Variants in CSPG4 observed in about 807,000 individuals in gnomAD.
CSPG4 encodes chondroitin sulfate proteoglycan 4 (melanoma-associated).
CSPG4 carries 74 observed loss-of-function variants against 139.3 expected under a neutral mutation model. The ratio of observed to expected loss-of-function variants is 0.53; its 90% CI spans 0.44 to 0.64. The LOEUF (loss-of-function observed/expected upper bound fraction) is 0.64. CSPG4 is among the 30% of genes least tolerant of loss of function. The pLI, the probability that CSPG4 is intolerant of heterozygous loss-of-function variation, is 0.00. For synonymous variants in CSPG4, 1,234 were observed against 1,394.2 expected, an observed-to-expected ratio of 0.89 and a Z score of 2.56; for missense variants, 2,565 against 3,148.3, an observed-to-expected ratio of 0.81 and a Z score of 4.43.
Position 75,712,602 on chromosome 15 carries a change from T to C in CSPG4, c.88+66A>G. The stretch of plus-strand genomic sequence containing the variant: ...GCCACTTCTGGCTCCTCCTGTCCCT[T>C]TTCCCTCCCGGAGGAACCCCTCTAG... On this transcript the variant is annotated intron_variant, in intron 1 of 9. Coordinates refer to ENST00000308508, the MANE Select transcript of CSPG4 (RefSeq NM_001897.5). The C allele has an allele frequency of 2.0e-6, 3 of 1,467,520 alleles. No individual in the cohort carries two copies. The East Asian group carries it at 7.5e-5, about 37-fold the overall frequency. The allele number at this position is 1,467,520 out of a possible 1,614,324, so 90.9% of individuals were successfully genotyped here. A position where few individuals can be genotyped will look rare whatever the true frequency, so the allele number is the denominator to read the frequency against.
chr15:75,700,409 G>A lies in CSPG4; in HGVS notation c.89-7176C>T, dbSNP rs535954990. Among the ~76,000 whole-genome samples the A allele has an allele frequency of 1.3e-3, 200 of 152,316 alleles. 1 individual carries two copies. The highest frequency in any genetic ancestry group is 4.7e-3 in the African/African-American group (195 of 41,574). ...GGAGGGGGGGACAGCGAGGAGGGGA[G>A]GGAAGCATCTGCTCTCCTTGGGCGG... On this transcript the variant is annotated intron_variant, in intron 1 of 9. Transcript: ENST00000308508.
chr15:75,687,524 CA>C lies in CSPG4; in HGVS notation c.3540del (p.Gly1181ValfsTer48). On this transcript the variant is annotated frameshift_variant, in exon 3 of 10. Coordinates refer to ENST00000308508, the MANE Select transcript of CSPG4 (RefSeq NM_001897.5). LOFTEE classifies it high-confidence loss of function. The surrounding 1 kb of genome is among the most constrained non-coding windows in gnomAD (Gnocchi z 5.4). ...AGPRWGQLVR[A>X]GQPATAFSQQ... ...TGGGAGAAGGCTGTGGCTGGCTGAC[CA>C]GCCCGGACTAGCTGTCCCCAGCGAG... 6.2e-7 allele frequency: 1 copy of C among 1,612,036 alleles called. No homozygotes were observed. The highest frequency in any genetic ancestry group is 1.3e-5 in the African/African-American group (1 of 75,054).
At chr15:75,693,766 G>A (rs546111805) in intron 1 of CSPG4, among the ~76,000 whole-genome samples, 7 of 152,358 alleles carry the variant, frequency 4.6e-5, no homozygotes, top group East Asian at 3.9e-4. Context: ...GCCATGCCCC[G>A]CCTCCATGGG....
rs191010718 is a variant in CSPG4 at position 75,706,730 on chromosome 15, C to T, written c.88+5938G>A. Among the ~76,000 whole-genome samples, 699 of 152,180 alleles carry T rather than the reference C, an allele frequency of 4.6e-3. 2 individuals carry two copies. Among genetic ancestry groups the T allele is most frequent in the Admixed American group, 9.2e-3 (141 of 15,278 alleles). On this transcript the variant is annotated intron_variant, in intron 1 of 9. Coordinates refer to ENST00000308508, the MANE Select transcript of CSPG4 (RefSeq NM_001897.5). ...TTGAGTAGAAGTGGAAAGGTGCCAG[C>T]GGTTGTGGATTATTATCTGATGGCC... is the stretch of plus-strand genomic sequence containing the variant.
rs1321019137 is a variant in CSPG4, at chr15:75,676,153, C to T, written c.6366G>A (p.Arg2122=). The part of the protein sequence containing the change: ...QFTQQDLEDG[R]LGLEVGRPEG... ...CTGGCCTGCCCACCTCCAGCCCCAG[C>T]CTCCCGTCCTCAAGGTCCTGCTGAG... Residue 2122 remains arginine, a synonymous_variant, in exon 10 of 10, where the codon AGG becomes AGA. Coordinates refer to ENST00000308508, the MANE Select transcript of CSPG4 (RefSeq NM_001897.5). The T allele has an allele frequency of 6.5e-7, 1 of 1,545,982 alleles. No homozygotes were observed. Among genetic ancestry groups the T allele is most frequent in the Admixed American group, 1.9e-5 (1 of 51,916 alleles).
chr15:75,676,710 T>C lies in CSPG4; in HGVS notation c.5809A>G (p.Ile1937Val). 6.3e-7 allele frequency: 1 copy of C among 1,588,292 alleles called. No individual in the cohort carries two copies. Among genetic ancestry groups the C allele is most frequent in the Non-Finnish European group, 8.6e-7 (1 of 1,165,202 alleles). Residue 1937 changes from isoleucine to valine, a missense_variant, in exon 10 of 10, where the codon ATC becomes GTC. Ile to Val is a conservative substitution (Grantham distance 29, BLOSUM62 3). This residue lies in a region of CSPG4 where 2,316 missense variants were observed against 2,818.2 expected (regional missense o/e 0.82). Transcript: ENST00000308508. ...PPLPMSLAVD[I>V]LPSAIEVQLR... ...TGCACCTCGATGGCGGATGGTAGGA[T>C]GTCCACAGCCAGGGACATGGGCAGG... is the stretch of plus-strand genomic sequence containing the variant.
rs750389240 is a variant in CSPG4, at chr15:75,687,957, C to T, written c.3108G>A (p.Leu1036=). The change falls in exon 3 of 10, where the codon CTG becomes CTA. Residue 1036 remains leucine, a synonymous_variant. Coordinates refer to ENST00000308508, the MANE Select transcript of CSPG4 (RefSeq NM_001897.5). This position sits in a 1 kb window ranked among gnomAD's most constrained non-coding sequence, Gnocchi z 5.4. The part of the protein sequence containing the change: ...IFHVARGGRR[L]LTTDDVAFSD... The stretch of plus-strand genomic sequence containing the variant: ...TGAAGGCCACGTCGTCTGTAGTCAG[C>T]AGCCGCCGCCCACCCCGGGCCACAT... 1 of 1,612,832 alleles carries T rather than the reference C, an allele frequency of 6.2e-7. No individual in the cohort carries two copies. Among genetic ancestry groups the T allele is most frequent in the East Asian group, 2.2e-5 (1 of 44,888 alleles).
rs1171735966 is a variant in CSPG4, at chr15:75,687,523, C to G, written c.3542G>C (p.Gly1181Ala). 1.9e-6 allele frequency: 3 copies of G among 1,612,016 alleles called. No homozygotes were observed. The highest frequency in any genetic ancestry group is 1.7e-6 in the Non-Finnish European group (2 of 1,179,398). ...GPRWGQLVRA[G>A]QPATAFSQQD... ...CTGGGAGAAGGCTGTGGCTGGCTGA[C>G]CAGCCCGGACTAGCTGTCCCCAGCG... The change falls in exon 3 of 10, where the codon GGT (glycine) becomes GCT (alanine). Residue 1181 changes from glycine to alanine, a missense_variant. By Grantham distance (60) the Gly-to-Ala change is moderately conservative. Around this residue, in one of 5 missense-constraint regions of CSPG4, gnomAD observed 2,316 missense variants for 2,818.2 expected, o/e 0.82. Coordinates refer to ENST00000308508, the MANE Select transcript of CSPG4 (RefSeq NM_001897.5). The surrounding 1 kb of genome is among the most constrained non-coding windows in gnomAD (Gnocchi z 5.4).
rs1566970865 is a variant in CSPG4, at chr15:75,675,823, T to G, written c.6696A>C (p.Val2232=). Residue 2232 remains valine, a synonymous_variant, in exon 10 of 10, where the codon GTA becomes GTC. Transcript: ENST00000308508. Reference sequence around the variant, plus strand: ...GCAGGATGAGCGCCAGGAGCAGAAGTACCAGGCACATGGGGATGATGACGC... The same window carrying G: ...GCAGGATGAGCGCCAGGAGCAGAAGGACCAGGCACATGGGGATGATGACGC... ...MFSVIIPMCL[V]LLLLALILPL... is the part of the protein sequence containing the mutation. 6.2e-7 allele frequency: 1 copy of G among 1,612,896 alleles called. No individual in the cohort carries two copies. Among genetic ancestry groups the G allele is most frequent in the Non-Finnish European group, 8.5e-7 (1 of 1,179,970 alleles).
chr15:75,677,284 A>G lies in CSPG4; in HGVS notation c.5235T>C (p.His1745=), dbSNP rs922245864. ...ASVPSPQRSE[H]DVLFQVTQFP... Reference sequence around the variant, plus strand: ...ACTGTGTGACCTGGAAGAGCACATCATGCTCTGAGCGCTGGGGTGATGGAA... The same window carrying G: ...ACTGTGTGACCTGGAAGAGCACATCGTGCTCTGAGCGCTGGGGTGATGGAA... Residue 1745 remains histidine (H), a synonymous_variant, in exon 10 of 10, where the codon CAT becomes CAC. Coordinates refer to ENST00000308508, the MANE Select transcript of CSPG4 (RefSeq NM_001897.5). The G allele has an allele frequency of 6.7e-7, 1 of 1,485,794 alleles. No individual in the cohort carries two copies. The highest frequency in any genetic ancestry group is 9.0e-7 in the Non-Finnish European group (1 of 1,113,682). 92.0% of individuals were successfully genotyped at this position (1,485,794 alleles called of 1,614,324 possible).
intron 1 of CSPG4, among the ~76,000 whole-genome samples, chr15:75,706,347 G>C (rs1170315487): frequency 6.6e-6 from 1 of 152,172 alleles, no homozygotes; most frequent in Non-Finnish European, 1.5e-5. Flanking sequence ...GCTCGGGGCA[G>C]GACACTCTCC....
Position 75,676,603 on chromosome 15 carries a change from C to T in CSPG4, c.5916G>A (p.Arg1972=). The T allele has an allele frequency of 1.2e-6, 2 of 1,611,078 alleles. No individual in the cohort carries two copies. ...GGCGGTATGCTGCCTCTGGCTCCTCCCGATCTGAAACCACCCGGAGCTGCT... is the reference window on the plus strand; with the variant it reads ...GGCGGTATGCTGCCTCTGGCTCCTCTCGATCTGAAACCACCCGGAGCTGCT... ...SQQQLRVVSD[R]EEPEAAYRLI... Residue 1972 remains arginine, a synonymous_variant, in exon 10 of 10, where the codon CGG becomes CGA. Transcript: ENST00000308508.
intron 7 of CSPG4, 32 bp downstream of exon 7, chr15:75,682,575 C>CACCCAGGAAT: frequency 6.2e-7 from 1 of 1,606,990 alleles, no homozygotes; most frequent in South Asian, 1.1e-5. Context: ...CAGCTCCTGG[C>CACCCAGGAAT]ACCCAGGAAT....
At chr15:75,707,561 C>T (rs1894390056) in intron 1 of CSPG4, among the ~76,000 whole-genome samples, 2 of 152,220 alleles carry the variant, frequency 1.3e-5, no homozygotes, top group African/African-American at 4.8e-5. Context: ...AGAGGCCACA[C>T]AGCCCCAGGC....
At chr15:75,680,641 T>C (rs1413717331) in intron 8 of CSPG4, 1 of 153,140 alleles carries the variant, frequency 6.5e-6, no homozygotes, top group African/African-American at 2.4e-5. Flanking sequence ...AAAAACAGGG[T>C]CTTGAGCTCT....
chr15:75,683,547 G>A (rs1894009640), intron 5 of CSPG4, among the ~76,000 whole-genome samples: 1 of 152,234 alleles, frequency 6.6e-6, no homozygotes, highest in South Asian at 2.1e-4. Context: ...GTGGGGGGCT[G>A]ATGGTTGGCA....
rs150368241 is a variant in CSPG4 at position 75,687,320 on chromosome 15, C to T, written c.3745G>A (p.Val1249Ile). The T allele has an allele frequency of 7.9e-4, 1,280 of 1,612,122 alleles. 7 individuals are homozygous for T. The African/African-American group carries it at 0.014, about 18-fold the overall frequency. ...ATCTCAGCTGCCTCTCCCTGGAAGACGTAGATCTTCTTGTGCCGGACCAGC... is the reference window on the plus strand; with the variant it reads ...ATCTCAGCTGCCTCTCCCTGGAAGATGTAGATCTTCTTGTGCCGGACCAGC... The part of the protein sequence containing the change: ...LKLVRHKKIY[V>I]FQGEAAEIRR... Residue 1249 changes from valine (V) to isoleucine (I), a missense_variant, in exon 3 of 10, where the codon GTC becomes ATC. Transcript: ENST00000308508. This position sits in a 1 kb window ranked among gnomAD's most constrained non-coding sequence, Gnocchi z 5.4.
intron 1 of CSPG4, among the ~76,000 whole-genome samples, chr15:75,703,298 G>A (rs1327414621): frequency 3.4e-5 from 5 of 148,610 alleles, no homozygotes; most frequent in Admixed American, 1.3e-4. Context: ...AGAGCGGGAT[G>A]GGGGGATGGA....
chr15:75,684,953 AC>A (rs1566973076), intron 4 of CSPG4, 41 bp from the exon 5 acceptor site: 9 of 1,578,408 alleles, frequency 5.7e-6, no homozygotes, highest in Non-Finnish European at 7.8e-6. Flanking sequence ...CCCCAGCAGC[AC>A]CCTTCATGCC....
Sources: gnomAD v4.1 joint callset for allele counts (sites outside exome capture counted in the v4.1 genomes callset) on GRCh38, gnomAD v4.1.1 for gene constraint, gnomAD v4.1.1 regional missense constraint, Gnocchi (gnomAD v3.1) non-coding constraint, MANE v1.5 for transcripts, NCBI Gene and HGNC (gene_info 2026-07-23, HGNC 2026-07-21) for gene names.